SLC45A2: variants seen among roughly 807,000 people sequenced by gnomAD.
SLC45A2 encodes solute carrier family 45 member 2, also known as membrane-associated transporter protein.
SLC45A2 carries 36 observed loss-of-function variants against 45.5 expected under a neutral mutation model. That is an observed-to-expected ratio of 0.79 (90% CI 0.61 to 1.04). The LOEUF (loss-of-function observed/expected upper bound fraction) is 1.04. SLC45A2 is among the 50% of genes least tolerant of loss of function. The pLI is 0.00. For missense variants in SLC45A2, 719 were observed against 671.0 expected, an observed-to-expected ratio of 1.07 and a Z score of -0.79; for synonymous variants, 306 against 269.3, an observed-to-expected ratio of 1.14 and a Z score of -1.33.
chr5:33,945,698 T>G (rs1158506304), intron 6 of SLC45A2, among the ~76,000 whole-genome samples: 1 of 152,198 alleles, frequency 6.6e-6, no homozygotes, highest in Non-Finnish European at 1.5e-5. Context: ...ATCCACTAAT[T>G]TGTTTGCTTT....
At chr5:33,947,831 T>G (rs1207850737) in intron 5 of SLC45A2, among the ~76,000 whole-genome samples, 1 of 152,178 alleles carries the variant, frequency 6.6e-6, no homozygotes, top group Non-Finnish European at 1.5e-5. Flanking sequence ...AACCAAAATT[T>G]ACAGAATGAT....
At chr5:33,963,396 G>A (rs1752504913) in intron 3 of SLC45A2, among the ~76,000 whole-genome samples, 1 of 152,136 alleles carries the variant, frequency 6.6e-6, no homozygotes, top group African/African-American at 2.4e-5. Context: ...TCTGGCCTAA[G>A]GATGATTTTA....
intron 3 of SLC45A2, among the ~76,000 whole-genome samples, chr5:33,962,439 C>T (rs951954170): frequency 6.6e-5 from 10 of 152,130 alleles, no homozygotes; most frequent in Admixed American, 2.0e-4. Flanking sequence ...CTGGCCAAGC[C>T]AACAAAAGAA....
intron 3 of SLC45A2, among the ~76,000 whole-genome samples, chr5:33,956,252 G>A (rs1030790249): frequency 1.3e-5 from 2 of 152,080 alleles, no homozygotes; most frequent in Non-Finnish European, 2.9e-5. Context: ...CTGCAGACAA[G>A]AGCAGAGCTT....
chr5:33,949,825 A>G (rs1382952216), intron 5 of SLC45A2, among the ~76,000 whole-genome samples: 1 of 152,104 alleles, frequency 6.6e-6, no homozygotes, highest in Non-Finnish European at 1.5e-5. Context: ...GACAAGACTA[A>G]TGGAATGTTA....
At chr5:33,960,767 T>G (rs1230489781) in intron 3 of SLC45A2, among the ~76,000 whole-genome samples, 1 of 152,088 alleles carries the variant, frequency 6.6e-6, no homozygotes, top group Non-Finnish European at 1.5e-5. Flanking sequence ...GAAATACATT[T>G]TTTTTAAAAA....
chr5:33,949,748 C>T (rs901126274), intron 5 of SLC45A2, among the ~76,000 whole-genome samples: 19 of 151,804 alleles, frequency 1.3e-4, no homozygotes, highest in South Asian at 2.1e-4. Flanking sequence ...TAACTAGAAA[C>T]GCTTTTAACT....
At chr5:33,966,646 T>C (rs1179337678) in intron 2 of SLC45A2, among the ~76,000 whole-genome samples, 2 of 152,100 alleles carry the variant, frequency 1.3e-5, no homozygotes, top group African/African-American at 4.8e-5. Context: ...AACTCAGAGC[T>C]GGGTACTCAG....
Position 33,944,626 on chromosome 5 carries a change from G to A in SLC45A2, c.*22C>T, listed in dbSNP as rs370756063. 2 of 1,609,566 alleles carry A rather than the reference G, an allele frequency of 1.2e-6. No homozygotes were observed. The highest frequency in any genetic ancestry group is 1.3e-5 in the African/African-American group (1 of 74,860). ...ATGTGCTTCACTGTCTCTGAGGTTA[G>A]GGTCATTGTCTCTTTATTGACCTAA... is the stretch of plus-strand genomic sequence containing the variant. On this transcript the variant is annotated 3_prime_UTR_variant, in exon 7 of 7. Transcript: ENST00000296589.
In SLC45A2 at chr5:33,984,515, G is replaced by A. The variant is rs779144835; in HGVS notation, c.69C>T (p.Asp23=). The change falls in exon 1 of 7, where the codon GAC becomes GAT. Residue 23 remains aspartate (D), a synonymous_variant. Transcript: ENST00000296589. The stretch of plus-strand genomic sequence containing the variant: ...TGGGTCTTTTAGGCGGCTCCACAGA[G>A]TCAAAGGGGCCATCATCAGCTAGGG... The part of the protein sequence containing the change: ...YKSLADDGPF[D]SVEPPKRPTS... 6.2e-6 allele frequency: 10 copies of A among 1,612,992 alleles called. No individual in the cohort carries two copies. The highest frequency in any genetic ancestry group is 4.4e-5 in the South Asian group (4 of 91,086).
intron 5 of SLC45A2, chr5:33,951,334 C>G: frequency 7.7e-7 from 1 of 1,306,430 alleles, no homozygotes. Flanking sequence ...CCACTGATTC[C>G]AAGAGCAAAG....
chr5:33,958,086 T>A (rs1035818932), intron 3 of SLC45A2, among the ~76,000 whole-genome samples: 2 of 152,164 alleles, frequency 1.3e-5, no homozygotes, highest in Non-Finnish European at 1.5e-5. Flanking sequence ...AGCTGGAGAC[T>A]GGGTAGTGAT....
At chr5:33,969,602 C>T (rs1487335806) in intron 2 of SLC45A2, among the ~76,000 whole-genome samples, 2 of 152,176 alleles carry the variant, frequency 1.3e-5, no homozygotes, top group African/African-American at 4.8e-5. Context: ...AGCCCTTAGG[C>T]TGCGAAGGCA....
rs781640726 is a variant in SLC45A2 at position 33,944,738 on chromosome 5, G to GGCT, written c.1500_1502dup (p.Ala501dup). 1.2e-6 allele frequency: 2 copies of GGCT among 1,614,174 alleles called. No individual in the cohort carries two copies. Among genetic ancestry groups the GGCT allele is most frequent in the Non-Finnish European group, 8.5e-7 (1 of 1,180,028 alleles). On this transcript the variant is annotated inframe_insertion, in exon 7 of 7. Transcript: ENST00000296589. ...TGATCACCACGACGACAACGGTCCC[G>GGCT]GCTGTGTTGACCAGAAAGCCCAGGC...
intron 3 of SLC45A2, among the ~76,000 whole-genome samples, chr5:33,958,575 G>A (rs971610962): frequency 1.3e-5 from 2 of 152,032 alleles, no homozygotes; most frequent in African/African-American, 2.4e-5. Flanking sequence ...AGTGTGCAGC[G>A]GCATGATCAC....
rs952902764 is a variant in SLC45A2, at chr5:33,984,315, G to A, written c.269C>T (p.Ser90Leu). The part of the protein sequence containing the change: ...LGFLLQPVVG[S>L]ASDHCRSRWG... ...CCTGGACCGGCAGTGGTCGCTGGCC[G>A]ATCCGACCACGGGCTGCAGCAGGAA... The change falls in exon 1 of 7, where the codon TCG becomes TTG. Residue 90 changes from serine to leucine, a missense_variant. By Grantham distance (145) the Ser-to-Leu change is moderately radical (BLOSUM62 -2). Coordinates refer to ENST00000296589, the MANE Select transcript of SLC45A2 (RefSeq NM_016180.5). 5 of 1,613,984 alleles carry A rather than the reference G, an allele frequency of 3.1e-6. No homozygotes were observed. Among genetic ancestry groups the A allele is most frequent in the East Asian group, 2.2e-5 (1 of 44,892 alleles).
Position 33,963,778 on chromosome 5 carries a change from C to G in SLC45A2, c.801G>C (p.Glu267Asp), listed in dbSNP as rs1341494284. 6.2e-7 allele frequency: 1 copy of G among 1,614,078 alleles called. No homozygotes were observed. Among genetic ancestry groups the G allele is most frequent in the African/African-American group, 1.3e-5 (1 of 74,932 alleles). ...TTTTAACTTTCTCGATAGAACCATA[C>G]TCGTACATTCCATCTGATGACAATG... ...DPPLSSDGMY[E>D]YGSIEKVKNG... is the part of the protein sequence containing the mutation. The change falls in exon 3 of 7, where the codon GAG (glutamate) becomes GAC (aspartate). Residue 267 changes from glutamate to aspartate, a missense_variant. By Grantham distance (45) the Glu-to-Asp change is conservative. Coordinates refer to ENST00000296589, the MANE Select transcript of SLC45A2 (RefSeq NM_016180.5).
intron 2 of SLC45A2, among the ~76,000 whole-genome samples, chr5:33,965,912 T>C (rs1360291408): frequency 1.3e-5 from 2 of 152,228 alleles, no homozygotes; most frequent in African/African-American, 4.8e-5. Context: ...TTAGAACCCC[T>C]GACCTAAGTC....
chr5:33,964,931 T>C (rs1044419525), intron 2 of SLC45A2, among the ~76,000 whole-genome samples: 7 of 152,074 alleles, frequency 4.6e-5, no homozygotes, highest in African/African-American at 1.7e-4. Context: ...CTGATAAAGG[T>C]GGGGAGATAG....
Sources: allele counts gnomAD v4.1 joint callset (sites outside exome capture counted in the v4.1 genomes callset), GRCh38; gene constraint gnomAD v4.1.1; transcripts MANE v1.5; gene names NCBI Gene and HGNC (gene_info 2026-07-23, HGNC 2026-07-21).